The following ADRA1A variants were observed in gnomAD, a reference collection of about 807,000 sequenced individuals.
The protein encoded by ADRA1A is adrenoceptor alpha 1A, also known as alpha-1A adrenergic receptor.
Under a neutral mutation model 29.6 loss-of-function variants are expected in ADRA1A, and 31 were observed. That is an observed-to-expected ratio of 1.05 (90% confidence interval 0.79 to 1.41). ADRA1A has a LOEUF of 1.41. Among genes scored for constraint, ADRA1A ranks in the 40% most tolerant of loss-of-function variants. The pLI, the probability that ADRA1A is intolerant of heterozygous loss-of-function variation, is 0.00. For missense variants in ADRA1A, 619 were observed against 601.1 expected, an observed-to-expected ratio of 1.03 and a Z score of -0.31; for synonymous variants, 311 against 254.3, an observed-to-expected ratio of 1.22 and a Z score of -2.12.
chr8:26,795,774 G>A (rs1432385591), intron 2 of ADRA1A, among the ~76,000 whole-genome samples: 1 of 152,098 alleles, frequency 6.6e-6, no homozygotes, highest in African/African-American at 2.4e-5. Flanking sequence ...CCATAAGGAG[G>A]AGAATATATT....
intron 2 of ADRA1A, among the ~76,000 whole-genome samples, chr8:26,789,283 A>C (rs1178685114): frequency 6.6e-6 from 1 of 152,216 alleles, no homozygotes; most frequent in East Asian, 1.9e-4. Context: ...ACAGTGATCA[A>C]AACAGCATGG....
intron 2 of ADRA1A, among the ~76,000 whole-genome samples, chr8:26,794,881 T>C (rs1391496670): frequency 6.6e-6 from 1 of 152,002 alleles, no homozygotes; most frequent in Non-Finnish European, 1.5e-5. Flanking sequence ...TCTAGAAGAT[T>C]AAGTCAATTT....
chr8:26,816,371 G>C (rs1182965786), intron 2 of ADRA1A, among the ~76,000 whole-genome samples: 1 of 152,194 alleles, frequency 6.6e-6, no homozygotes, highest in Non-Finnish European at 1.5e-5. Flanking sequence ...CCTCTCCTGA[G>C]ACCCAAGGAT....
intron 2 of ADRA1A, among the ~76,000 whole-genome samples, chr8:26,829,329 C>G (rs1225524086): frequency 6.6e-6 from 1 of 152,124 alleles, no homozygotes; most frequent in African/African-American, 2.4e-5. Context: ...TAAAACAGAA[C>G]TGCCCTGGGA....
intron 2 of ADRA1A, among the ~76,000 whole-genome samples, chr8:26,840,429 A>G (rs943897696): frequency 3.3e-5 from 5 of 152,178 alleles, no homozygotes; most frequent in Non-Finnish European, 7.3e-5. Context: ...CTTCTATACA[A>G]ACAACATGAT....
chr8:26,776,039 G>C lies in ADRA1A; in HGVS notation c.884-5373C>G, dbSNP rs903164288. 3.9e-5 allele frequency among the ~76,000 whole-genome samples: 6 copies of C among 152,292 alleles called. No homozygotes were observed. In the East Asian group the frequency reaches 7.7e-4, roughly 20 times the overall value. On this transcript the variant is annotated intron_variant, in intron 2 of 2. Coordinates refer to ENST00000380573, the MANE Select transcript of ADRA1A (RefSeq NM_000680.4). ...GGCACTAGGAGGCATCCCAGTAAAGGCTTGGCGACTAGAGTCACCTTTTAC... is the reference window on the plus strand; with the variant it reads ...GGCACTAGGAGGCATCCCAGTAAAGCCTTGGCGACTAGAGTCACCTTTTAC...
chr8:26,769,234 G>A lies in ADRA1A; in HGVS notation c.*915C>T. ...GTCAAGAAAGGCTTTTGTAAGCCAT[G>A]TTGAAATGGCTGTGCAGTAAGTGAA... On this transcript the variant is annotated 3_prime_UTR_variant, in exon 3 of 3. Transcript: ENST00000380573. 1 of 985,208 alleles carries A rather than the reference G, an allele frequency of 1.0e-6. No individual in the cohort carries two copies. Among genetic ancestry groups the A allele is most frequent in the Non-Finnish European group, 1.2e-6 (1 of 829,718 alleles). The allele number at this position is 985,208 out of a possible 1,614,324, so 61.0% of individuals were successfully genotyped here.
chr8:26,765,407 G>T (rs1440249628), downstream of ADRA1A, among the ~76,000 whole-genome samples: 2 of 152,194 alleles, frequency 1.3e-5, 1 homozygote, highest in South Asian at 4.1e-4. Context: ...TGCTCCCAGG[G>T]GTTCTGGAGG....
chr8:26,765,966 AAC>A, downstream of ADRA1A: 1 of 1,581,834 alleles, frequency 6.3e-7, no homozygotes, highest in East Asian at 2.2e-5. Flanking sequence ...TTCACTTAGG[AAC>A]AAGCGATGTC....
At position 26,837,871 on chromosome 8, in the gene ADRA1A, C is replaced by G. The variant is rs1464507933; in HGVS notation, c.883+26216G>C. 2.6e-5 allele frequency among the ~76,000 whole-genome samples: 4 copies of G among 152,202 alleles called. No individual in the cohort carries two copies. The East Asian group carries it at 7.7e-4, about 29-fold the overall frequency. The stretch of plus-strand genomic sequence containing the variant: ...CCCATGTATGCTCAGAATGTTCCCA[C>G]TTTTACTGCCTTTGATTCCTATCTC... On this transcript the variant is annotated intron_variant, in intron 2 of 2. Coordinates refer to ENST00000380573, the MANE Select transcript of ADRA1A (RefSeq NM_000680.4).
At chr8:26,777,811 C>G (rs1806661544) in intron 2 of ADRA1A, among the ~76,000 whole-genome samples, 1 of 152,240 alleles carries the variant, frequency 6.6e-6, no homozygotes, top group Admixed American at 6.5e-5. Flanking sequence ...GCACACTGTG[C>G]TGGGCACACA....
chr8:26,757,509 A>C (rs555859771), intron 2 of ADRA1A, among the ~76,000 whole-genome samples: 81 of 143,334 alleles, frequency 5.7e-4, no homozygotes, highest in East Asian at 1.7e-3. Flanking sequence ...TTTTGCTTCC[A>C]TTTCCCCCAC....
chr8:26,832,238 T>A (rs1163145325), intron 2 of ADRA1A, among the ~76,000 whole-genome samples: 1 of 152,224 alleles, frequency 6.6e-6, no homozygotes, highest in East Asian at 1.9e-4. Flanking sequence ...CCTGCCTTGC[T>A]GGTGAAACCC....
rs992653765 is a variant in ADRA1A at position 26,825,440 on chromosome 8, C to G, written c.883+38647G>C. 1.3e-5 allele frequency among the ~76,000 whole-genome samples: 2 copies of G among 152,240 alleles called. No homozygotes were observed. The highest frequency in any genetic ancestry group is 1.9e-4 in the East Asian group (1 of 5,180). ...AGTTTCTTTGTTTTCTAATTCCGCC[C>G]TACTTCGTTTCCTATAAGGGGACCA... On this transcript the variant is annotated intron_variant, in intron 2 of 2. Transcript: ENST00000380573. The surrounding 1 kb of genome is among the most constrained non-coding windows in gnomAD (Gnocchi z 5.7).
chr8:26,762,672 A>G (rs187254996), downstream of ADRA1A, among the ~76,000 whole-genome samples: 19 of 152,296 alleles, frequency 1.2e-4, no homozygotes, highest in East Asian at 3.1e-3. The surrounding 1 kb of genome is among the most constrained non-coding windows in gnomAD (Gnocchi z 4.0). Flanking sequence ...AAGGGAAGGG[A>G]GGGAAAGCTG....
chr8:26,838,720 C>T (rs1811572421), intron 2 of ADRA1A, among the ~76,000 whole-genome samples: 1 of 152,164 alleles, frequency 6.6e-6, no homozygotes, highest in Admixed American at 6.5e-5. Flanking sequence ...AATGTAGATG[C>T]CATTACTATC....
Position 26,844,870 on chromosome 8 carries a change from A to T in ADRA1A, c.883+19217T>A, listed in dbSNP as rs189851410. Among the ~76,000 whole-genome samples, 206 of 152,334 alleles carry T rather than the reference A, an allele frequency of 1.4e-3. 5 individuals carry two copies. The highest frequency in any genetic ancestry group is 7.4e-5 in the Non-Finnish European group (5 of 68,026). On this transcript the variant is annotated intron_variant, in intron 2 of 2. Transcript: ENST00000380573. ...CTTCCCTGGACCACAGTGGAAGAAG[A>T]AGAGTTGTCTTGGGACACATATAAA...
chr8:26,866,876 G>A lies in ADRA1A; in HGVS notation c.-687+60C>T, dbSNP rs112572154. 5.8e-4 allele frequency: 576 copies of A among 985,518 alleles called. 3 individuals are homozygous for A. In the African/African-American group the frequency reaches 6.9e-3, roughly 12 times the overall value. 61.0% of individuals were successfully genotyped at this position (985,518 alleles called of 1,614,324 possible). ...AGTGGGGGTTCCGTCTCACCAGACG[G>A]CGGGGGAGGTCTGCCCTCACCCACT... On this transcript the variant is annotated intron_variant, in intron 1 of 2. Coordinates refer to ENST00000380573, the MANE Select transcript of ADRA1A (RefSeq NM_000680.4). The surrounding 1 kb of genome is among the most constrained non-coding windows in gnomAD (Gnocchi z 5.7).
Position 26,865,173 on chromosome 8 carries a change from G to C in ADRA1A, c.-204C>G. 1 of 1,421,250 alleles carries C rather than the reference G, an allele frequency of 7.0e-7. No homozygotes were observed. The highest frequency in any genetic ancestry group is 1.5e-5 in the South Asian group (1 of 67,086). The allele number at this position is 1,421,250 out of a possible 1,614,324, so 88.0% of individuals were successfully genotyped here. A position where few individuals can be genotyped will look rare whatever the true frequency, so the allele number is the denominator to read the frequency against. On this transcript the variant is annotated 5_prime_UTR_variant, in exon 2 of 3. Coordinates refer to ENST00000380573, the MANE Select transcript of ADRA1A (RefSeq NM_000680.4). The surrounding 1 kb of genome is among the most constrained non-coding windows in gnomAD (Gnocchi z 7.6). ...GAACCCTCAGAAGGCCACATGAAGG[G>C]GCAGGGCATTAAAGACATGGCCAGG...
Sources: gnomAD v4.1 joint callset for allele counts (sites outside exome capture counted in the v4.1 genomes callset) on GRCh38, gnomAD v4.1.1 for gene constraint, Gnocchi (gnomAD v3.1) non-coding constraint, MANE v1.5 for transcripts, NCBI Gene and HGNC (gene_info 2026-07-23, HGNC 2026-07-21) for gene names.